ADGRL3: variants seen among roughly 807,000 people sequenced by gnomAD.
The protein encoded by ADGRL3 is adhesion G protein-coupled receptor L3, also known as calcium-independent alpha-latrotoxin receptor 3.
ADGRL3 carries 62 observed loss-of-function variants against 153.5 expected under a neutral mutation model. That is an observed-to-expected ratio of 0.40 (90% CI 0.33 to 0.50). The LOEUF (loss-of-function observed/expected upper bound fraction) is 0.50. ADGRL3 is among the 20% of genes least tolerant of loss of function. The pLI, the probability that ADGRL3 is intolerant of heterozygous loss-of-function variation, is 0.47. For missense variants in ADGRL3, 1,641 were observed against 1,859.4 expected (o/e 0.88, Z 2.16); for synonymous variants, 710 against 672.5 (o/e 1.06, Z -0.86).
chr4:61,980,061 T>C (rs2099062180), intron 18 of ADGRL3, among the ~76,000 whole-genome samples: 1 of 152,146 alleles, frequency 6.6e-6, no homozygotes, highest in South Asian at 2.1e-4. Flanking sequence ...TTCCCATCTA[T>C]TCCCTGCTCC....
intron 21 of ADGRL3, among the ~76,000 whole-genome samples, chr4:62,023,187 T>C (rs1365981693): frequency 3.3e-5 from 5 of 152,122 alleles, no homozygotes; most frequent in African/African-American, 1.2e-4. Flanking sequence ...TTCAAGACTT[T>C]AGTGGAGGAA....
intron 2 of ADGRL3, among the ~76,000 whole-genome samples, chr4:61,457,068 A>T (rs1215752128): frequency 6.6e-6 from 1 of 152,018 alleles, no homozygotes; most frequent in Non-Finnish European, 1.5e-5. Context: ...ATCATGAAGT[A>T]CTATTCTTGC....
intron 6 of ADGRL3, among the ~76,000 whole-genome samples, chr4:61,722,389 A>G (rs951704712): frequency 6.6e-6 from 1 of 152,196 alleles, no homozygotes; most frequent in Non-Finnish European, 1.5e-5. Context: ...AAGACATTCC[A>G]TGAGAAAAAA....
intron 5 of ADGRL3, among the ~76,000 whole-genome samples, chr4:61,658,101 G>C (rs1013300762): frequency 6.6e-6 from 1 of 151,986 alleles, no homozygotes; most frequent in Non-Finnish European, 1.5e-5. Context: ...TTCTTCATGG[G>C]TTGCACCACC....
chr4:61,925,889 C>A (rs2098792181), intron 13 of ADGRL3, among the ~76,000 whole-genome samples: 1 of 152,264 alleles, frequency 6.6e-6, no homozygotes, highest in East Asian at 1.9e-4. Context: ...TGAATTGATG[C>A]CATACAATTA....
At chr4:61,597,330 G>A (rs924932943) in intron 5 of ADGRL3, among the ~76,000 whole-genome samples, 1 of 152,106 alleles carries the variant, frequency 6.6e-6, no homozygotes, top group Non-Finnish European at 1.5e-5. Context: ...GAGACTAGCT[G>A]TCTATGGGTT....
intron 25 of ADGRL3, among the ~76,000 whole-genome samples, chr4:62,061,013 A>C (rs1215357913): frequency 4.6e-5 from 7 of 151,852 alleles, no homozygotes; most frequent in African/African-American, 1.4e-4. Flanking sequence ...GTGCCTTCCA[A>C]CTCTAGAGAT....
intron 8 of ADGRL3, among the ~76,000 whole-genome samples, chr4:61,750,468 A>T (rs1408510468): frequency 1.3e-5 from 2 of 152,182 alleles, no homozygotes; most frequent in Non-Finnish European, 2.9e-5. Flanking sequence ...CTGAAAAACA[A>T]GGTAAGGAAA....
Position 61,776,081 on chromosome 4 carries a change from T to C in ADGRL3, c.1400-37728T>C, listed in dbSNP as rs557647011. Among the ~76,000 whole-genome samples the C allele has an allele frequency of 1.3e-3, 205 of 152,044 alleles. 2 individuals carry two copies. Among genetic ancestry groups the C allele is most frequent in the African/African-American group, 4.8e-3 (198 of 41,522 alleles). On this transcript the variant is annotated intron_variant, in intron 8 of 26. Coordinates refer to ENST00000683033, the MANE Select transcript of ADGRL3 (RefSeq NM_001387552.1). ...ACACCCGGCTAATTTTTTGTATTTTTAGTAGAGACGGGGTTTCACTGTGTT... is the reference window on the plus strand; with the variant it reads ...ACACCCGGCTAATTTTTTGTATTTTCAGTAGAGACGGGGTTTCACTGTGTT...
intron 15 of ADGRL3, among the ~76,000 whole-genome samples, chr4:61,939,774 TG>T (rs1238399014): frequency 6.6e-6 from 1 of 152,162 alleles, no homozygotes; most frequent in Admixed American, 6.6e-5. Flanking sequence ...GGCCAAAATT[TG>T]CCAGTTTTTA....
At chr4:61,309,980 C>G (rs1373180182) in intron 1 of ADGRL3, among the ~76,000 whole-genome samples, 1 of 151,854 alleles carries the variant, frequency 6.6e-6, no homozygotes, top group African/African-American at 2.4e-5. Context: ...TTTTTTGGCA[C>G]TTGGCACATA....
intron 1 of ADGRL3, among the ~76,000 whole-genome samples, chr4:61,335,777 G>A (rs538758183): frequency 6.6e-6 from 1 of 152,250 alleles, no homozygotes; most frequent in Admixed American, 6.5e-5. Flanking sequence ...TGTGTGAAAA[G>A]AGCTGCATTT....
chr4:62,028,103 C>A (rs1282310958), intron 21 of ADGRL3, among the ~76,000 whole-genome samples: 1 of 151,758 alleles, frequency 6.6e-6, no homozygotes, highest in Non-Finnish European at 1.5e-5. Context: ...GGAACAGTTT[C>A]TCTTCTTTCT....
chr4:61,902,606 C>T (rs1356105192), intron 11 of ADGRL3, among the ~76,000 whole-genome samples: 2 of 152,094 alleles, frequency 1.3e-5, no homozygotes, highest in Non-Finnish European at 2.9e-5. Flanking sequence ...ACCTCTCCAG[C>T]TGCCTAAACT....
chr4:61,431,607 G>T (rs1299818359), intron 2 of ADGRL3, among the ~76,000 whole-genome samples: 3 of 152,154 alleles, frequency 2.0e-5, no homozygotes. Context: ...TCAACAAAAT[G>T]ACTGGAATGT....
At chr4:61,262,334 A>C (rs2092582059) in intron 1 of ADGRL3, among the ~76,000 whole-genome samples, 1 of 152,162 alleles carries the variant, frequency 6.6e-6, no homozygotes, top group Non-Finnish European at 1.5e-5. Context: ...TTAGAAAATA[A>C]AATCAGTTTG....
intron 9 of ADGRL3, among the ~76,000 whole-genome samples, chr4:61,882,585 G>T (rs542618549): frequency 1.3e-5 from 2 of 152,024 alleles, no homozygotes; most frequent in Admixed American, 1.3e-4. Flanking sequence ...TCTCACTTTG[G>T]CCTGTCAACA....
chr4:61,646,148 G>T (rs1274103878), intron 5 of ADGRL3, among the ~76,000 whole-genome samples: 2 of 151,802 alleles, frequency 1.3e-5, no homozygotes, highest in Non-Finnish European at 2.9e-5. Context: ...GCTCCTTTAA[G>T]CACTTCTCTG....
chr4:61,438,726 TA>T (rs1429508468), intron 2 of ADGRL3, among the ~76,000 whole-genome samples: 8 of 147,372 alleles, frequency 5.4e-5, no homozygotes, highest in African/African-American at 2.0e-4. Context: ...TTTTTTTTTT[TA>T]GACGGAGTCT....
Sources: gnomAD v4.1 joint callset for allele counts (sites outside exome capture counted in the v4.1 genomes callset) on GRCh38, gnomAD v4.1.1 for gene constraint, MANE v1.5 for transcripts, NCBI Gene and HGNC (gene_info 2026-07-23, HGNC 2026-07-21) for gene names.